TTC29: variants seen among roughly 807,000 people sequenced by gnomAD.
The protein encoded by TTC29 is tetratricopeptide repeat protein 29.
In TTC29, 49 loss-of-function variants were observed where a neutral mutation model predicts 58.1. The ratio of observed to expected loss-of-function variants is 0.84; its 90% CI spans 0.67 to 1.07. TTC29 has a LOEUF of 1.07. Among genes scored for constraint, TTC29 ranks in the 50% least tolerant of loss-of-function variants. The probability of loss-of-function intolerance (pLI) is 0.00; values close to 1 mark genes in which losing one functional copy is unlikely to be tolerated. For missense variants in TTC29, 582 were observed against 555.6 expected, an observed-to-expected ratio of 1.05 and a Z score of -0.48; for synonymous variants, 209 against 196.8, an observed-to-expected ratio of 1.06 and a Z score of -0.52.
In TTC29 at chr4:146,855,768, G is replaced by C. The variant is rs553853997; in HGVS notation, c.885+11730C>G. Among the ~76,000 whole-genome samples the C allele has an allele frequency of 1.8e-4, 28 of 152,230 alleles. No individual in the cohort carries two copies. The South Asian group carries it at 3.7e-3, about 20-fold the overall frequency. On this transcript the variant is annotated intron_variant, in intron 8 of 12. Coordinates refer to ENST00000325106, the MANE Select transcript of TTC29 (RefSeq NM_031956.4). ...GTTTTGGATAAGTTTTAATATATTT[G>C]ATTACATTATTTCTTTCTGAAGTTA...
intron 11 of TTC29, among the ~76,000 whole-genome samples, chr4:146,782,890 TAAAC>T (rs1748726420): frequency 6.6e-6 from 1 of 151,920 alleles, no homozygotes; most frequent in Non-Finnish European, 1.5e-5. Flanking sequence ...CGTCAGAAAA[TAAAC>T]AGATAACTAG....
intron 11 of TTC29, among the ~76,000 whole-genome samples, chr4:146,800,304 TC>T (rs939785059): frequency 1.4e-4 from 22 of 152,118 alleles, no homozygotes; most frequent in African/African-American, 5.3e-4. Flanking sequence ...CCTTAGGGGG[TC>T]ATGTTCCTCT....
chr4:146,936,087 G>A (rs1560737084), intron 4 of TTC29, among the ~76,000 whole-genome samples: 1 of 152,186 alleles, frequency 6.6e-6, no homozygotes, highest in African/African-American at 2.4e-5. Flanking sequence ...AGAAAGCACT[G>A]AAGTGCAGGA....
chr4:146,732,227 G>A (rs543013819), intron 11 of TTC29, among the ~76,000 whole-genome samples: 3 of 152,180 alleles, frequency 2.0e-5, no homozygotes, highest in South Asian at 2.1e-4. Flanking sequence ...ACTAAGCTTA[G>A]TATTTTTTCA....
At chr4:146,922,156 T>C (rs1028741222) in intron 4 of TTC29, among the ~76,000 whole-genome samples, 1 of 150,864 alleles carries the variant, frequency 6.6e-6, no homozygotes, top group African/African-American at 2.4e-5. Flanking sequence ...AAAGAAGAAG[T>C]TATCACCGTA....
At chr4:146,801,631 A>T (rs1750224800) in intron 11 of TTC29, among the ~76,000 whole-genome samples, 1 of 152,150 alleles carries the variant, frequency 6.6e-6, no homozygotes, top group Admixed American at 6.5e-5. Context: ...TTACAAAAAC[A>T]TGGAAATAAA....
At chr4:146,815,768 G>A (rs1751357837) in intron 10 of TTC29, among the ~76,000 whole-genome samples, 1 of 152,174 alleles carries the variant, frequency 6.6e-6, no homozygotes, top group Admixed American at 6.5e-5. Flanking sequence ...CAAGTAGGTG[G>A]TGGGGTATGC....
At chr4:146,719,255 T>C (rs1579515986) in intron 11 of TTC29, among the ~76,000 whole-genome samples, 1 of 151,276 alleles carries the variant, frequency 6.6e-6, no homozygotes, top group Non-Finnish European at 1.5e-5. Context: ...AATTTTAGGA[T>C]TGTCTTTTCT....
At chr4:146,728,803 A>G (rs1744034408) in intron 11 of TTC29, among the ~76,000 whole-genome samples, 1 of 124,500 alleles carries the variant, frequency 8.0e-6, no homozygotes, top group Non-Finnish European at 1.8e-5. Flanking sequence ...ACGTATATAT[A>G]CACATATATA....
chr4:146,756,270 C>CAAA (rs146497942), intron 11 of TTC29, among the ~76,000 whole-genome samples: 1 of 107,554 alleles, frequency 9.3e-6, no homozygotes. Flanking sequence ...GACTCTGTCT[C>CAAA]AAAAAAAAAA....
chr4:146,831,363 T>C (rs551173565), intron 9 of TTC29, among the ~76,000 whole-genome samples: 95 of 152,262 alleles, frequency 6.2e-4, no homozygotes, highest in African/African-American at 2.3e-3. Flanking sequence ...CCTCCCAAAG[T>C]GCTGGGATAA....
At chr4:146,746,882 A>G (rs534824265) in intron 11 of TTC29, among the ~76,000 whole-genome samples, 2 of 152,284 alleles carry the variant, frequency 1.3e-5, no homozygotes, top group Non-Finnish European at 2.9e-5. Flanking sequence ...AAAAAGAATA[A>G]ACAGTTACAT....
intron 10 of TTC29, among the ~76,000 whole-genome samples, chr4:146,805,626 G>C (rs1750552061): frequency 6.6e-6 from 1 of 151,898 alleles, no homozygotes; most frequent in South Asian, 2.1e-4. Flanking sequence ...TCAAGCAGAA[G>C]AAAGGATATC....
chr4:146,744,610 G>T, intron 11 of TTC29, among the ~76,000 whole-genome samples: 1 of 152,084 alleles, frequency 6.6e-6, no homozygotes, highest in East Asian at 1.9e-4. Flanking sequence ...TACTCCATCA[G>T]CACAGTGTGG....
Position 146,870,324 on chromosome 4 carries a change from CAACAAACCA to C in TTC29, c.800-2750_800-2742del, listed in dbSNP as rs533672058. Among the ~76,000 whole-genome samples the C allele has an allele frequency of 3.0e-4, 46 of 151,994 alleles. 2 individuals carry two copies. In the East Asian group the frequency reaches 5.4e-3, roughly 18 times the overall value. On this transcript the variant is annotated intron_variant, in intron 7 of 12. Coordinates refer to ENST00000325106, the MANE Select transcript of TTC29 (RefSeq NM_031956.4). Reference sequence around the variant, plus strand: ...TCTGAGATGGATGAAAATGAAAACACAACAAACCAAAATGTATGGGATACAACTAAGGTG... The same window carrying C: ...TCTGAGATGGATGAAAATGAAAACACAAATGTATGGGATACAACTAAGGTG...
Position 146,809,780 on chromosome 4 carries a change from A to G in TTC29, c.1102-6095T>C, listed in dbSNP as rs766401265. ...CAGGAAACAACAGATGCCGGAGAGAATGTGGAGAAATAGAAACGTTTTTAT... is the reference window on the plus strand; with the variant it reads ...CAGGAAACAACAGATGCCGGAGAGAGTGTGGAGAAATAGAAACGTTTTTAT... On this transcript the variant is annotated intron_variant, in intron 10 of 12. Coordinates refer to ENST00000325106, the MANE Select transcript of TTC29 (RefSeq NM_031956.4). Among the ~76,000 whole-genome samples, 17 of 150,006 alleles carry G rather than the reference A, an allele frequency of 1.1e-4. 1 individual carries two copies. Among genetic ancestry groups the G allele is most frequent in the African/African-American group, 3.7e-4 (15 of 40,890 alleles).
chr4:146,871,951 T>C lies in TTC29; in HGVS notation c.799+2765A>G, dbSNP rs12649120. 7.0e-3 allele frequency among the ~76,000 whole-genome samples: 1,061 copies of C among 152,018 alleles called. 94 individuals carry two copies. The East Asian group carries it at 0.17, about 24-fold the overall frequency. ...AGTGTTGAAAACAACTAAAGCAAAC[T>C]TGAAAAAGAACAGTATTACAAAGCA... is the stretch of plus-strand genomic sequence containing the variant. On this transcript the variant is annotated intron_variant, in intron 7 of 12. Coordinates refer to ENST00000325106, the MANE Select transcript of TTC29 (RefSeq NM_031956.4).
intron 11 of TTC29, among the ~76,000 whole-genome samples, chr4:146,779,585 T>C (rs1442064661): frequency 6.6e-6 from 1 of 152,172 alleles, no homozygotes; most frequent in Non-Finnish European, 1.5e-5. Flanking sequence ...AAAGAGTAGA[T>C]GATATAATTC....
chr4:146,739,322 G>A (rs1220498002), intron 11 of TTC29, among the ~76,000 whole-genome samples: 1 of 152,158 alleles, frequency 6.6e-6, no homozygotes, highest in Non-Finnish European at 1.5e-5. Context: ...TTAAGGCCTT[G>A]TTCAAATACC....
Sources: allele counts gnomAD v4.1 joint callset (sites outside exome capture counted in the v4.1 genomes callset), GRCh38; gene constraint gnomAD v4.1.1; transcripts MANE v1.5; gene names NCBI Gene and HGNC (gene_info 2026-07-23, HGNC 2026-07-21).